SNTB1: variants seen among roughly 807,000 people sequenced by gnomAD.
SNTB1 encodes the protein beta-1-syntrophin.
Under a neutral mutation model 48.9 loss-of-function variants are expected in SNTB1, and 36 were observed. That is an observed-to-expected ratio of 0.74 (90% CI 0.56 to 0.97). The LOEUF (loss-of-function observed/expected upper bound fraction) is 0.97, where lower values mean the gene tolerates loss of function less well. SNTB1 is among the 50% of genes least tolerant of loss of function. The pLI, the probability that SNTB1 is intolerant of heterozygous loss-of-function variation, is 0.00. For missense variants in SNTB1, 786 were observed against 703.4 expected, an observed-to-expected ratio of 1.12 and a Z score of -1.33; for synonymous variants, 299 against 294.6, an observed-to-expected ratio of 1.01 and a Z score of -0.15.
chr8:120,611,736 C>T lies in SNTB1; in HGVS notation c.996+20708G>A, dbSNP rs534901783. ...ACTCGGGAGGCTGAGGCAGGAGAAT[C>T]GCTTGAACCCAGGAGGCAGAGGTTG... On this transcript the variant is annotated intron_variant, in intron 3 of 6. Coordinates refer to ENST00000517992, the MANE Select transcript of SNTB1 (RefSeq NM_021021.4). 4.1e-5 allele frequency among the ~76,000 whole-genome samples: 6 copies of T among 147,666 alleles called. No homozygotes were observed. The South Asian group carries it at 6.6e-4, about 16-fold the overall frequency.
At chr8:120,650,376 C>G (rs1817392866) in intron 2 of SNTB1, among the ~76,000 whole-genome samples, 1 of 152,136 alleles carries the variant, frequency 6.6e-6, no homozygotes, top group Non-Finnish European at 1.5e-5. Flanking sequence ...GCTGATCTGA[C>G]AAAACTTTGG....
chr8:120,736,606 T>A (rs1818948594), intron 1 of SNTB1, among the ~76,000 whole-genome samples: 1 of 152,186 alleles, frequency 6.6e-6, no homozygotes, highest in Admixed American at 6.5e-5. Context: ...TAAAAAGGCT[T>A]CACAAATACC....
At chr8:120,796,606 T>C (rs192244892) in intron 1 of SNTB1, among the ~76,000 whole-genome samples, 15 of 152,164 alleles carry the variant, frequency 9.9e-5, no homozygotes, top group African/African-American at 3.4e-4. Context: ...TAATCCGAAC[T>C]GGTGGGAAAG....
intron 4 of SNTB1, among the ~76,000 whole-genome samples, chr8:120,559,158 A>G (rs1815613807): frequency 6.6e-6 from 1 of 152,200 alleles, no homozygotes; most frequent in South Asian, 2.1e-4. Context: ...CCCTGAAAAA[A>G]AGTGATCTTG....
intron 3 of SNTB1, among the ~76,000 whole-genome samples, chr8:120,630,834 A>G (rs764168453): frequency 4.6e-5 from 7 of 152,186 alleles, no homozygotes; most frequent in Non-Finnish European, 7.4e-5. Context: ...ACTTGCATTG[A>G]AACAATTGGG....
intron 4 of SNTB1, among the ~76,000 whole-genome samples, chr8:120,571,935 C>T (rs1227793905): frequency 6.6e-6 from 1 of 152,126 alleles, no homozygotes; most frequent in African/African-American, 2.4e-5. Context: ...CCTGGTTCCT[C>T]ACCCCTGAAA....
intron 1 of SNTB1, among the ~76,000 whole-genome samples, chr8:120,787,817 G>A (rs868419843): frequency 3.3e-5 from 5 of 152,156 alleles, no homozygotes; most frequent in African/African-American, 9.7e-5. Flanking sequence ...AGGGAATGAT[G>A]AAGGAAAACT....
intron 1 of SNTB1, among the ~76,000 whole-genome samples, chr8:120,760,788 T>C (rs1270382152): frequency 1.3e-5 from 2 of 151,924 alleles, no homozygotes; most frequent in Admixed American, 6.6e-5. Flanking sequence ...AAAAGGGAAA[T>C]ACCCAACTCC....
intron 2 of SNTB1, among the ~76,000 whole-genome samples, chr8:120,677,556 C>A (rs1817857485): frequency 6.6e-6 from 1 of 152,092 alleles, no homozygotes; most frequent in Non-Finnish European, 1.5e-5. Context: ...CTAAAAAATT[C>A]TTAACACATC....
chr8:120,590,047 C>T (rs1365569048), intron 3 of SNTB1, among the ~76,000 whole-genome samples: 1 of 152,188 alleles, frequency 6.6e-6, no homozygotes, highest in African/African-American at 2.4e-5. Context: ...TCCACCTCCA[C>T]CCCATTAGCC....
Position 120,737,561 on chromosome 8 carries a change from G to C in SNTB1, c.572-43653C>G, listed in dbSNP as rs549554275. On this transcript the variant is annotated intron_variant, in intron 1 of 6. Transcript: ENST00000517992. The stretch of plus-strand genomic sequence containing the variant: ...GAAAATGAAAACCAAAACAAGCTCA[G>C]AGAGATCTAATCACAAGCAATATGC... Among the ~76,000 whole-genome samples the C allele has an allele frequency of 7.2e-5, 11 of 152,256 alleles. No homozygotes were observed. The South Asian group carries it at 2.3e-3, about 32-fold the overall frequency.
At chr8:120,715,186 G>T (rs919749089) in intron 1 of SNTB1, among the ~76,000 whole-genome samples, 26 of 152,098 alleles carry the variant, frequency 1.7e-4, no homozygotes, top group African/African-American at 6.0e-4. Context: ...ATTCAGTCTT[G>T]ACTTTAACCC....
chr8:120,773,715 C>T (rs1047343024), intron 1 of SNTB1, among the ~76,000 whole-genome samples: 1 of 152,152 alleles, frequency 6.6e-6, no homozygotes, highest in African/African-American at 2.4e-5. Flanking sequence ...AATACAATAA[C>T]CTTATATTTA....
chr8:120,744,897 C>T (rs1441930062), intron 1 of SNTB1, among the ~76,000 whole-genome samples: 5 of 152,042 alleles, frequency 3.3e-5, no homozygotes, highest in African/African-American at 1.2e-4. Flanking sequence ...TATAGATATC[C>T]CAAGTTCCAC....
chr8:120,799,291 T>A (rs1820175166), intron 1 of SNTB1, among the ~76,000 whole-genome samples: 1 of 151,860 alleles, frequency 6.6e-6, no homozygotes, highest in African/African-American at 2.4e-5. Flanking sequence ...ATGGAACAAA[T>A]CTCAAAATAG....
At chr8:120,540,805 G>A (rs1815274040) in intron 6 of SNTB1, among the ~76,000 whole-genome samples, 1 of 152,170 alleles carries the variant, frequency 6.6e-6, no homozygotes, top group African/African-American at 2.4e-5. Context: ...GGCTGCCTGT[G>A]GCGCTCATGG....
chr8:120,679,293 G>C (rs940126093), intron 2 of SNTB1, among the ~76,000 whole-genome samples: 4 of 152,128 alleles, frequency 2.6e-5, no homozygotes, highest in African/African-American at 9.7e-5. Context: ...CATACATGCT[G>C]CTGTCCTTAA....
intron 3 of SNTB1, among the ~76,000 whole-genome samples, chr8:120,587,276 AAAG>A (rs1252338892): frequency 6.6e-6 from 1 of 152,146 alleles, no homozygotes; most frequent in Non-Finnish European, 1.5e-5. Context: ...CAACAACAAA[AAAG>A]AAAACTAATG....
intron 1 of SNTB1, among the ~76,000 whole-genome samples, chr8:120,783,169 A>G (rs1248246603): frequency 7.9e-5 from 12 of 152,008 alleles, no homozygotes. Context: ...GAAGTAAATT[A>G]TATAAATTAT....
Sources: gnomAD v4.1 joint callset for allele counts (sites outside exome capture counted in the v4.1 genomes callset) on GRCh38, gnomAD v4.1.1 for gene constraint, MANE v1.5 for transcripts, NCBI Gene and HGNC (gene_info 2026-07-23, HGNC 2026-07-21) for gene names.